The following ANKS1A variants were observed in gnomAD, a reference collection of about 807,000 sequenced individuals.
The protein encoded by ANKS1A is ankyrin repeat and sterile alpha motif domain containing 1A.
Under a neutral mutation model 120.3 loss-of-function variants are expected in ANKS1A, and 55 were observed. The observed-to-expected ratio is 0.46, with a 90% CI of 0.37 to 0.57. The LOEUF is 0.57. Among genes scored for constraint, ANKS1A ranks in the 20% least tolerant of loss-of-function variants. The pLI is 0.00. For synonymous variants in ANKS1A, 590 were observed against 604.7 expected (o/e 0.98, Z 0.36); for missense variants, 1,123 against 1,480.3 (o/e 0.76, Z 3.96).
intron 1 of ANKS1A, among the ~76,000 whole-genome samples, chr6:34,904,465 G>A (rs939375735): frequency 1.3e-5 from 2 of 152,104 alleles, no homozygotes; most frequent in Non-Finnish European, 2.9e-5. Flanking sequence ...TGGGCTCAGT[G>A]ACACAAGCCC....
At chr6:34,984,158 T>C (rs1017866445) in intron 7 of ANKS1A, among the ~76,000 whole-genome samples, 4 of 152,162 alleles carry the variant, frequency 2.6e-5, no homozygotes, top group African/African-American at 9.7e-5. Context: ...ATATATCATA[T>C]GAGCAACAAA....
chr6:34,987,484 TC>T (rs1221260541), intron 8 of ANKS1A, among the ~76,000 whole-genome samples: 1 of 152,210 alleles, frequency 6.6e-6, no homozygotes, highest in Non-Finnish European at 1.5e-5. Context: ...CTTTTGCTGT[TC>T]CCTTCCTTAC....
intron 13 of ANKS1A, among the ~76,000 whole-genome samples, chr6:35,074,134 C>CT (rs1396332302): frequency 6.6e-6 from 1 of 152,284 alleles, no homozygotes; most frequent in Non-Finnish European, 1.5e-5. Flanking sequence ...CGCTGTCAGC[C>CT]TTCAGGTGCC....
intron 11 of ANKS1A, among the ~76,000 whole-genome samples, chr6:35,051,921 A>G (rs1389561439): frequency 1.3e-5 from 2 of 152,246 alleles, no homozygotes; most frequent in Non-Finnish European, 2.9e-5. Flanking sequence ...TTGAGCATTT[A>G]CTGTGAGCTA....
At chr6:35,022,865 A>G (rs975351639) in intron 11 of ANKS1A, among the ~76,000 whole-genome samples, 3 of 152,174 alleles carry the variant, frequency 2.0e-5, no homozygotes, top group African/African-American at 7.2e-5. Context: ...ATATCTTACC[A>G]TGGCAGCATC....
At chr6:34,934,451 C>A (rs934659545) in intron 1 of ANKS1A, among the ~76,000 whole-genome samples, 5 of 152,138 alleles carry the variant, frequency 3.3e-5, no homozygotes, top group African/African-American at 1.2e-4. Context: ...CCCAGCCACC[C>A]CCAGGTACTT....
chr6:35,068,652 T>C (rs1340823801), intron 13 of ANKS1A, among the ~76,000 whole-genome samples: 1 of 152,172 alleles, frequency 6.6e-6, no homozygotes, highest in Non-Finnish European at 1.5e-5. Context: ...CCCTGATCCC[T>C]GAGTCTGAGA....
At chr6:35,022,661 C>T (rs936343747) in intron 11 of ANKS1A, among the ~76,000 whole-genome samples, 8 of 152,100 alleles carry the variant, frequency 5.3e-5, no homozygotes, top group Non-Finnish European at 1.2e-4. Context: ...ATGCTTGGGA[C>T]ATAATAGAGG....
chr6:34,947,906 G>C (rs1186500243), intron 1 of ANKS1A, among the ~76,000 whole-genome samples: 1 of 152,162 alleles, frequency 6.6e-6, no homozygotes, highest in African/African-American at 2.4e-5. Context: ...TAGCAAATTT[G>C]GGAGGTTGAT....
chr6:34,921,808 C>A (rs1441010780), intron 1 of ANKS1A, among the ~76,000 whole-genome samples: 4 of 152,176 alleles, frequency 2.6e-5, no homozygotes, highest in Non-Finnish European at 5.9e-5. Flanking sequence ...AGCGATCCTC[C>A]CACTCAGCCT....
intron 11 of ANKS1A, among the ~76,000 whole-genome samples, chr6:35,023,024 G>A (rs1774423363): frequency 6.6e-6 from 1 of 152,178 alleles, no homozygotes; most frequent in African/African-American, 2.4e-5. Flanking sequence ...TTCAGGTCCA[G>A]TTCCTACCCT....
At chr6:34,912,688 T>C (rs1767963542) in intron 1 of ANKS1A, among the ~76,000 whole-genome samples, 2 of 152,152 alleles carry the variant, frequency 1.3e-5, no homozygotes, top group South Asian at 2.1e-4. Flanking sequence ...ACAAAGTCGA[T>C]TGGGGTTAGA....
intron 8 of ANKS1A, among the ~76,000 whole-genome samples, chr6:34,987,808 C>T (rs1206040815): frequency 2.6e-5 from 4 of 152,216 alleles, no homozygotes; most frequent in Non-Finnish European, 4.4e-5. Context: ...CGTAACTCAG[C>T]GTTCTGTTCT....
At position 34,974,442 on chromosome 6, in the gene ANKS1A, C is replaced by T. The variant is rs987367236; in HGVS notation, c.435+4276C>T. 3.3e-4 allele frequency among the ~76,000 whole-genome samples: 48 copies of T among 145,200 alleles called. No homozygotes were observed. In the South Asian group the frequency reaches 0.011, roughly 34 times the overall value. ...CCCTTCCCCTTTCCTTTCTTTCTTT[C>T]ATTTTAAAAAGGGTCTCCCTCTGTT... On this transcript the variant is annotated intron_variant, in intron 3 of 23. Transcript: ENST00000360359.
intron 13 of ANKS1A, among the ~76,000 whole-genome samples, chr6:35,069,095 G>A (rs820073): frequency 0.4 from 61,296 of 151,926 alleles, 12,716 homozygotes; most frequent in East Asian, 0.61. Flanking sequence ...GACAGAGTGG[G>A]GCAGGTGATA....
rs1012157548 is a variant in ANKS1A at position 35,079,855 on chromosome 6, G to A, written c.2471G>A (p.Arg824His). 6 of 1,571,008 alleles carry A rather than the reference G, an allele frequency of 3.8e-6. No individual in the cohort carries two copies. The highest frequency in any genetic ancestry group is 4.3e-6 in the Non-Finnish European group (5 of 1,158,026). The part of the protein sequence containing the change: ...LKVQLLGHRK[R>H]IIASLADRPY... ...GTCCAGCTGCTCGGCCATCGCAAGC[G>A]CATCATCGCCTCCCTCGCAGACAGA... Residue 824 changes from arginine to histidine, a missense_variant, in exon 16 of 24, where the codon CGC (arginine) becomes CAC (histidine). By Grantham distance (29) the Arg-to-His change is conservative. Coordinates refer to ENST00000360359, the MANE Select transcript of ANKS1A (RefSeq NM_015245.3).
chr6:34,949,324 G>A (rs1183373806), intron 1 of ANKS1A, among the ~76,000 whole-genome samples: 1 of 152,174 alleles, frequency 6.6e-6, no homozygotes, highest in Non-Finnish European at 1.5e-5. Context: ...GGGTGATGGA[G>A]CCAGAAGGGT....
intron 13 of ANKS1A, among the ~76,000 whole-genome samples, chr6:35,071,936 G>T (rs1043991166): frequency 6.6e-6 from 1 of 152,250 alleles, no homozygotes; most frequent in Non-Finnish European, 1.5e-5. Context: ...GGGCTGCCCT[G>T]CAACCCTCAG....
At position 35,057,398 on chromosome 6, in the gene ANKS1A, G is replaced by T. The variant is rs1420449456; in HGVS notation, c.2078-2749G>T. Among the ~76,000 whole-genome samples the T allele has an allele frequency of 1.3e-5, 2 of 152,168 alleles. No individual in the cohort carries two copies. Among genetic ancestry groups the T allele is most frequent in the African/African-American group, 4.8e-5 (2 of 41,448 alleles). The stretch of plus-strand genomic sequence containing the variant: ...GCTGTCTTCTGATAAAGCCAGCCAT[G>T]TTAGGTATTGAGTAGCTGGTCAAGC... On this transcript the variant is annotated intron_variant, in intron 12 of 23. Coordinates refer to ENST00000360359, the MANE Select transcript of ANKS1A (RefSeq NM_015245.3). The surrounding 1 kb of genome is among the most constrained non-coding windows in gnomAD (Gnocchi z 4.1).
Sources: gnomAD v4.1 joint callset for allele counts (sites outside exome capture counted in the v4.1 genomes callset) on GRCh38, gnomAD v4.1.1 for gene constraint, Gnocchi (gnomAD v3.1) non-coding constraint, MANE v1.5 for transcripts, NCBI Gene and HGNC (gene_info 2026-07-23, HGNC 2026-07-21) for gene names.